Variants in CHST11 observed in about 807,000 individuals in gnomAD.
The protein encoded by CHST11 is C4S-1.
In CHST11, 9 loss-of-function variants were observed where a neutral mutation model predicts 30.4. The ratio of observed to expected loss-of-function variants is 0.30; its 90% CI spans 0.18 to 0.52. The LOEUF is 0.52. CHST11 is among the 20% of genes least tolerant of loss of function. The pLI, the probability that CHST11 is intolerant of heterozygous loss-of-function variation, is 0.97. For synonymous variants in CHST11, 152 were observed against 187.8 expected (o/e 0.81, Z 1.56); for missense variants, 348 against 460.6 (o/e 0.76, Z 2.24).
At chr12:104,668,195 A>T (rs2039659128) in intron 2 of CHST11, among the ~76,000 whole-genome samples, 1 of 152,210 alleles carries the variant, frequency 6.6e-6, no homozygotes, top group Non-Finnish European at 1.5e-5. Flanking sequence ...CACCCCTCAT[A>T]GGGTCATATA....
rs144681505 is a variant in CHST11, at chr12:104,757,008, G to C, written c.264G>C (p.Thr88=). ...TGCGGCGGGACCAGGTGACAGACAC[G>C]TGCCGAGCCAACAGCGCCACAAGCC... ...HQMRRDQVTD[T]CRANSATSRK... is the part of the protein sequence containing the mutation. The change falls in exon 3 of 3, where the codon ACG becomes ACC. Residue 88 remains threonine (T), a synonymous_variant. Transcript: ENST00000303694. This position sits in a 1 kb window ranked among gnomAD's most constrained non-coding sequence, Gnocchi z 6.5. The C allele has an allele frequency of 8.1e-5, 131 of 1,613,344 alleles. No homozygotes were observed. The highest frequency in any genetic ancestry group is 1.8e-4 in the Admixed American group (11 of 59,990).
At chr12:104,618,755 T>A (rs972449538) in intron 2 of CHST11, among the ~76,000 whole-genome samples, 1 of 152,126 alleles carries the variant, frequency 6.6e-6, no homozygotes, top group African/African-American at 2.4e-5. Context: ...ACCTGAGGCA[T>A]AGAGAGGCGT....
intron 1 of CHST11, among the ~76,000 whole-genome samples, chr12:104,585,879 G>A (rs955600200): frequency 1.3e-5 from 2 of 152,024 alleles, no homozygotes; most frequent in African/African-American, 4.8e-5. Flanking sequence ...CTGGCCTGTA[G>A]CTGCATCACT....
intron 2 of CHST11, among the ~76,000 whole-genome samples, chr12:104,657,283 C>T (rs1300814120): frequency 2.0e-5 from 3 of 152,238 alleles, no homozygotes; most frequent in African/African-American, 7.2e-5. Flanking sequence ...TCACATCCTT[C>T]ACCCTAAATG....
At chr12:104,698,061 T>A (rs1312772515) in intron 2 of CHST11, among the ~76,000 whole-genome samples, 1 of 152,216 alleles carries the variant, frequency 6.6e-6, no homozygotes, top group Non-Finnish European at 1.5e-5. Flanking sequence ...CTGGCGTCAA[T>A]GTCCCCTAGT....
chr12:104,657,788 G>C (rs1278469557), intron 2 of CHST11, among the ~76,000 whole-genome samples: 1 of 152,122 alleles, frequency 6.6e-6, no homozygotes, highest in Non-Finnish European at 1.5e-5. Context: ...TTGCATTCTT[G>C]AGGGTCCCCA....
rs2040515628 is a variant in CHST11, at chr12:104,760,491, A to G, written c.*2688A>G. ...ACTCCTCAGGCTCAAAAGGATGCTC[A>G]GTGGGAACAGATGATCTCTTGATGA... On this transcript the variant is annotated 3_prime_UTR_variant, in exon 3 of 3. Transcript: ENST00000303694. 6.6e-6 allele frequency: 1 copy of G among 152,270 alleles called. No individual in the cohort carries two copies. Among genetic ancestry groups the G allele is most frequent in the South Asian group, 2.1e-4 (1 of 4,832 alleles). 9.4% of individuals were successfully genotyped at this position (152,270 alleles called of 1,614,324 possible).
At chr12:104,527,869 C>T (rs1399179909) in intron 1 of CHST11, among the ~76,000 whole-genome samples, 3 of 152,146 alleles carry the variant, frequency 2.0e-5, no homozygotes, top group African/African-American at 4.8e-5. Context: ...AAGCAAGGCA[C>T]GTCTTACATG....
intron 2 of CHST11, among the ~76,000 whole-genome samples, chr12:104,659,514 G>A (rs1456506308): frequency 6.6e-6 from 1 of 152,130 alleles, no homozygotes. Context: ...GAAATGTGGC[G>A]AGTGTGAATT....
At chr12:104,499,043 C>T (rs1207941169) in intron 1 of CHST11, among the ~76,000 whole-genome samples, 1 of 152,158 alleles carries the variant, frequency 6.6e-6, no homozygotes, top group East Asian at 1.9e-4. Context: ...TTTTTTCCTC[C>T]CATGGCTGGT....
intron 2 of CHST11, among the ~76,000 whole-genome samples, chr12:104,707,718 A>C (rs1413416897): frequency 6.6e-6 from 1 of 152,244 alleles, no homozygotes; most frequent in South Asian, 2.1e-4. Context: ...CTCCACTGAC[A>C]TACATGGGAT....
At chr12:104,505,973 G>A (rs1432607450) in intron 1 of CHST11, among the ~76,000 whole-genome samples, 1 of 152,182 alleles carries the variant, frequency 6.6e-6, no homozygotes. Context: ...GTCATGGGGT[G>A]GGAAGTGAGG....
At chr12:104,532,509 G>A (rs2135995723) in intron 1 of CHST11, among the ~76,000 whole-genome samples, 1 of 152,318 alleles carries the variant, frequency 6.6e-6, no homozygotes. Flanking sequence ...CAAGGTGCGG[G>A]AGGGGTGCAG....
chr12:104,696,503 A>AAAAAAAAAAAC, intron 2 of CHST11, among the ~76,000 whole-genome samples: 1 of 149,126 alleles, frequency 6.7e-6, no homozygotes, highest in African/African-American at 2.5e-5. Flanking sequence ...AAAAAAAAAA[A>AAAAAAAAAAAC]AAAACATAGC....
intron 1 of CHST11, chr12:104,514,111 C>T (rs1039988853): frequency 8.2e-7 from 1 of 1,221,936 alleles, no homozygotes; most frequent in Non-Finnish European, 1.2e-6. Flanking sequence ...GTGTCTGCCT[C>T]CTTCTTGAAT....
chr12:104,497,230 C>T (rs1274990128), intron 1 of CHST11, among the ~76,000 whole-genome samples: 1 of 152,164 alleles, frequency 6.6e-6, no homozygotes, highest in Middle Eastern at 3.2e-3. Context: ...TTAAGAGAGA[C>T]AAATAAATGA....
chr12:104,478,990 CA>C (rs2135959308), intron 1 of CHST11, among the ~76,000 whole-genome samples: 1 of 152,224 alleles, frequency 6.6e-6, no homozygotes, highest in African/African-American at 2.4e-5. Flanking sequence ...AGCCTTTAAA[CA>C]GTGCATGTCC....
intron 1 of CHST11, among the ~76,000 whole-genome samples, chr12:104,488,768 TG>T (rs2037716174): frequency 2.6e-5 from 4 of 151,318 alleles, no homozygotes; most frequent in Non-Finnish European, 2.9e-5. Context: ...TGTGTGTGTG[TG>T]TGTCTATACA....
chr12:104,503,571 C>G (rs559690473), intron 1 of CHST11, among the ~76,000 whole-genome samples: 3 of 152,342 alleles, frequency 2.0e-5, no homozygotes, highest in African/African-American at 7.2e-5. Context: ...CAATAAGAGT[C>G]TTTCCATTCT....
Sources: gnomAD v4.1 joint callset for allele counts (sites outside exome capture counted in the v4.1 genomes callset) on GRCh38, gnomAD v4.1.1 for gene constraint, Gnocchi (gnomAD v3.1) non-coding constraint, MANE v1.5 for transcripts, NCBI Gene and HGNC (gene_info 2026-07-23, HGNC 2026-07-21) for gene names.